SENP6: variants seen among roughly 807,000 people sequenced by gnomAD.
SENP6 encodes the protein SUMO specific peptidase 6.
SENP6 carries 41 observed loss-of-function variants against 134.5 expected under a neutral mutation model. The observed-to-expected ratio is 0.30, with a 90% CI of 0.24 to 0.40. SENP6 has a LOEUF of 0.40. Ranked by LOEUF, SENP6 falls within the 10% of genes least tolerant of loss-of-function variation. The pLI is 1.00. For missense variants in SENP6, 1,248 were observed against 1,312.5 expected, an observed-to-expected ratio of 0.95 and a Z score of 0.76; for synonymous variants, 395 against 429.8, an observed-to-expected ratio of 0.92 and a Z score of 1.00.
chr6:75,707,352 CTTCTTTTTT>C (rs1253733829), intron 19 of SENP6, among the ~76,000 whole-genome samples: 70 of 114,150 alleles, frequency 6.1e-4, no homozygotes, highest in African/African-American at 2.3e-3. Context: ...CTTTCTTCTT[CTTCTTTTTT>C]TTTTTTTTTT....
chr6:75,675,994 C>A lies in SENP6; in HGVS notation c.1561C>A (p.Leu521Met), dbSNP rs976342953. The A allele has an allele frequency of 1.9e-6, 3 of 1,611,548 alleles. No individual in the cohort carries two copies. Among genetic ancestry groups the A allele is most frequent in the Non-Finnish European group, 2.5e-6 (3 of 1,179,034 alleles). The change falls in exon 13 of 24, where the codon CTG (leucine) becomes ATG (methionine). Residue 521 changes from leucine to methionine, a missense_variant. Leu to Met is a conservative substitution (Grantham distance 15). Transcript: ENST00000447266. ...AGTTTATCAAAAGCTGAGCATCCAA[C>A]TGCAAATGAATAAGGAGGATAAAGT... ...PAVYQKLSIQ[L>M]QMNKEDKVWN... is the part of the protein sequence containing the mutation.
At chr6:75,671,834 A>G (rs987383101) in intron 11 of SENP6, among the ~76,000 whole-genome samples, 2 of 152,222 alleles carry the variant, frequency 1.3e-5, no homozygotes, top group Non-Finnish European at 2.9e-5. Context: ...TCATGGTTCT[A>G]GGATACAATA....
chr6:75,603,322 G>A lies in SENP6; in HGVS notation c.52+746G>A, dbSNP rs374629238. ...GAAGGTGGTAATGGGGAACAATATTGATTTTTTTGGCCTATGAATATATAA... is the reference window on the plus strand; with the variant it reads ...GAAGGTGGTAATGGGGAACAATATTAATTTTTTTGGCCTATGAATATATAA... On this transcript the variant is annotated intron_variant, in intron 1 of 23. Coordinates refer to ENST00000447266, the MANE Select transcript of SENP6 (RefSeq NM_015571.4). Among the ~76,000 whole-genome samples the A allele has an allele frequency of 1.4e-4, 22 of 152,136 alleles. No individual in the cohort carries two copies. The East Asian group carries it at 3.9e-3, about 27-fold the overall frequency.
intron 16 of SENP6, among the ~76,000 whole-genome samples, chr6:75,689,621 T>C (rs546438965): frequency 6.6e-6 from 1 of 152,312 alleles, no homozygotes; most frequent in East Asian, 1.9e-4. Context: ...CCATATGTGA[T>C]AGTGAGCCCA....
Position 75,643,789 on chromosome 6 carries a change from C to T in SENP6, c.479+3085C>T, listed in dbSNP as rs768255976. Among the ~76,000 whole-genome samples the T allele has an allele frequency of 4.6e-5, 7 of 152,170 alleles. No individual in the cohort carries two copies. The East Asian group carries it at 7.7e-4, about 17-fold the overall frequency. ...CATCTTGAAAATTAAACTGGTTTAT[C>T]AGTTAAATAGGAATAATGAATTTTA... On this transcript the variant is annotated intron_variant, in intron 6 of 23. Transcript: ENST00000447266.
At chr6:75,621,350 A>C (rs1768254787) in intron 1 of SENP6, among the ~76,000 whole-genome samples, 182 bp from the exon 2 acceptor site, 1 of 152,224 alleles carries the variant, frequency 6.6e-6, no homozygotes, top group Non-Finnish European at 1.5e-5. Flanking sequence ...TGAATTAGTA[A>C]AAACAGATTT....
chr6:75,676,805 G>A, intron 13 of SENP6: 1 of 400,754 alleles, frequency 2.5e-6, no homozygotes, highest in Non-Finnish European at 4.4e-6. Context: ...TGTTGTTAGA[G>A]TAATGTATTC....
chr6:75,624,015 A>G, intron 3 of SENP6, 55 bp downstream of exon 3: 2 of 1,366,844 alleles, frequency 1.5e-6, no homozygotes, highest in African/African-American at 2.9e-5. Context: ...AAAAATTGTT[A>G]CCTCAAAAGA....
chr6:75,626,888 T>A (rs1414757035), intron 3 of SENP6, among the ~76,000 whole-genome samples: 1 of 152,212 alleles, frequency 6.6e-6, no homozygotes, highest in African/African-American at 2.4e-5. Flanking sequence ...TTTTAACATT[T>A]ACTTTTTTTT....
chr6:75,696,386 G>T, intron 17 of SENP6, among the ~76,000 whole-genome samples: 1 of 152,118 alleles, frequency 6.6e-6, no homozygotes, highest in Non-Finnish European at 1.5e-5. Context: ...TAATATCTAA[G>T]AAAGGAACCT....
At chr6:75,632,644 C>T (rs181695474) in intron 3 of SENP6, among the ~76,000 whole-genome samples, 1 of 152,170 alleles carries the variant, frequency 6.6e-6, no homozygotes, top group East Asian at 1.9e-4. Context: ...ATGGATTCAT[C>T]TATTCACAGT....
intron 11 of SENP6, 46 bp from the exon 12 acceptor site, chr6:75,675,389 C>G: frequency 9.0e-7 from 1 of 1,108,330 alleles, no homozygotes; most frequent in Non-Finnish European, 1.3e-6. Flanking sequence ...TGAAGCCTGC[C>G]TTTCTTTGTA....
At chr6:75,613,030 C>T (rs1469719751) in intron 1 of SENP6, among the ~76,000 whole-genome samples, 1 of 151,950 alleles carries the variant, frequency 6.6e-6, no homozygotes, top group South Asian at 2.1e-4. Context: ...ACGAGAATCG[C>T]TTGAACCCAG....
At chr6:75,641,732 C>T (rs1471078169) in intron 6 of SENP6, among the ~76,000 whole-genome samples, 1 of 152,056 alleles carries the variant, frequency 6.6e-6, no homozygotes, top group East Asian at 1.9e-4. Context: ...AATCTTAGTA[C>T]TTTGGGAGGG....
chr6:75,614,470 A>T (rs886203167), intron 1 of SENP6, among the ~76,000 whole-genome samples: 21 of 151,974 alleles, frequency 1.4e-4, no homozygotes, highest in African/African-American at 4.6e-4. Flanking sequence ...GAATTACCAT[A>T]TTGGCCAGAC....
intron 8 of SENP6, among the ~76,000 whole-genome samples, chr6:75,659,724 T>C (rs2149861346): frequency 6.6e-6 from 1 of 152,330 alleles, no homozygotes; most frequent in South Asian, 2.1e-4. Context: ...TATATATTTA[T>C]CTCCCAGATT....
At chr6:75,670,824 AG>A (rs1324204962) in intron 11 of SENP6, 104 bp downstream of exon 11, 2 of 489,452 alleles carry the variant, frequency 4.1e-6, no homozygotes, top group Non-Finnish European at 5.9e-6. Context: ...AATATTTAAT[AG>A]AATATCAGTT....
intron 10 of SENP6, among the ~76,000 whole-genome samples, chr6:75,669,179 G>C (rs1163677548): frequency 6.6e-6 from 1 of 152,024 alleles, no homozygotes; most frequent in African/African-American, 2.4e-5. Flanking sequence ...GTGAAACTCT[G>C]TCTCTACTAA....
chr6:75,700,680 C>T (rs570916100), intron 18 of SENP6, among the ~76,000 whole-genome samples: 84 of 152,144 alleles, frequency 5.5e-4, no homozygotes, highest in Non-Finnish European at 9.3e-4. Flanking sequence ...TTGGTAGAGA[C>T]GGGGTTTTGC....
Sources: gnomAD v4.1 joint callset for allele counts (sites outside exome capture counted in the v4.1 genomes callset) on GRCh38, gnomAD v4.1.1 for gene constraint, MANE v1.5 for transcripts, NCBI Gene and HGNC (gene_info 2026-07-23, HGNC 2026-07-21) for gene names.